The following LRBA variants were observed in gnomAD, a reference collection of about 807,000 sequenced individuals.
The protein encoded by LRBA is LPS responsive beige-like anchor protein.
In LRBA, 176 loss-of-function variants were observed where a neutral mutation model predicts 330.0. The ratio of observed to expected loss-of-function variants is 0.53; its 90% CI spans 0.47 to 0.60. The LOEUF (loss-of-function observed/expected upper bound fraction) is 0.60. Among genes scored for constraint, LRBA ranks in the 20% least tolerant of loss-of-function variants. The pLI is 0.00. For missense variants in LRBA, 3,259 were observed against 3,444.8 expected, an observed-to-expected ratio of 0.95 and a Z score of 1.35; for synonymous variants, 1,230 against 1,193.0, an observed-to-expected ratio of 1.03 and a Z score of -0.64.
chr4:150,794,483 G>C (rs1473682143), intron 34 of LRBA, among the ~76,000 whole-genome samples: 2 of 151,580 alleles, frequency 1.3e-5, no homozygotes, highest in African/African-American at 4.8e-5. Flanking sequence ...TTTTACTGAA[G>C]ATTCAGGAAA....
intron 42 of LRBA, among the ~76,000 whole-genome samples, chr4:150,472,055 AATT>A (rs1756197301): frequency 2.0e-5 from 3 of 152,110 alleles, no homozygotes; most frequent in South Asian, 2.1e-4. Context: ...AAAAAGAAGA[AATT>A]ATAGCAGCTG....
At chr4:150,581,258 C>T (rs370141346) in intron 40 of LRBA, 1 of 391,366 alleles carries the variant, frequency 2.6e-6, no homozygotes, top group Admixed American at 2.9e-5. Flanking sequence ...CTAGTTTTTG[C>T]CCTGCCCTGT....
At chr4:150,517,285 G>A (rs899489724) in intron 40 of LRBA, among the ~76,000 whole-genome samples, 1 of 152,134 alleles carries the variant, frequency 6.6e-6, no homozygotes, top group Non-Finnish European at 1.5e-5. Context: ...ACTTTAGGAG[G>A]CCAAGACAGG....
At chr4:150,438,274 G>T (rs1751384235) in intron 44 of LRBA, among the ~76,000 whole-genome samples, 1 of 152,066 alleles carries the variant, frequency 6.6e-6, no homozygotes, top group Non-Finnish European at 1.5e-5. Flanking sequence ...TTGAGTCCAG[G>T]AGTTCAAGAC....
chr4:150,664,388 A>C (rs1781388741), intron 37 of LRBA, among the ~76,000 whole-genome samples: 1 of 152,206 alleles, frequency 6.6e-6, no homozygotes, highest in Non-Finnish European at 1.5e-5. Context: ...TCGAAAACAG[A>C]CCAGGAAATG....
intron 34 of LRBA, among the ~76,000 whole-genome samples, chr4:150,788,239 ATTT>A (rs377479266): frequency 0.031 from 3,768 of 122,346 alleles, 51 homozygotes; most frequent in African/African-American, 0.063. Flanking sequence ...CACCCGGTTA[ATTT>A]TTTTTTTTTT....
chr4:150,808,386 G>C lies in LRBA; in HGVS notation c.5318C>G (p.Ser1773Cys), dbSNP rs745791860. The C allele has an allele frequency of 6.2e-7, 1 of 1,604,438 alleles. No homozygotes were observed. Among genetic ancestry groups the C allele is most frequent in the Non-Finnish European group, 8.5e-7 (1 of 1,171,922 alleles). Residue 1773 changes from serine to cysteine, a missense_variant, in exon 32 of 57, where the codon TCT becomes TGT. Coordinates refer to ENST00000651943, the MANE Select transcript of LRBA (RefSeq NM_001364905.1). ...TGGAACTGAGGGCAATTTTGCATTA[G>C]ATGATCTACTGCCTATAAAAGAAAA... is the stretch of plus-strand genomic sequence containing the variant. ...MGGESPGSRS[S>C]NAKLPSVPTV...
At chr4:150,278,661 T>C (rs944841066) in intron 55 of LRBA, among the ~76,000 whole-genome samples, 1 of 152,222 alleles carries the variant, frequency 6.6e-6, no homozygotes, top group African/African-American at 2.4e-5. Flanking sequence ...GGCTCAGAAT[T>C]TGCTCTTTGA....
At chr4:150,722,759 G>A (rs978253326) in intron 36 of LRBA, among the ~76,000 whole-genome samples, 1 of 151,800 alleles carries the variant, frequency 6.6e-6, no homozygotes, top group South Asian at 2.1e-4. Flanking sequence ...TCAGGTGAGC[G>A]ATCACAGTAC....
chr4:150,274,685 G>GA (rs1182054571), intron 56 of LRBA, among the ~76,000 whole-genome samples: 2 of 152,158 alleles, frequency 1.3e-5, no homozygotes, highest in Non-Finnish European at 2.9e-5. Context: ...AAATAAACTA[G>GA]AAAATCTAGA....
At chr4:150,695,396 C>T (rs1010114423) in intron 36 of LRBA, among the ~76,000 whole-genome samples, 3 of 152,166 alleles carry the variant, frequency 2.0e-5, no homozygotes, top group Non-Finnish European at 2.9e-5. Context: ...GATCACAACT[C>T]ACTGCAGCCT....
At chr4:150,320,925 CATT>C (rs1335196730) in intron 50 of LRBA, among the ~76,000 whole-genome samples, 17 of 151,878 alleles carry the variant, frequency 1.1e-4, no homozygotes, top group African/African-American at 3.9e-4. Flanking sequence ...TATAGAATAT[CATT>C]ATATTAAAAT....
intron 37 of LRBA, among the ~76,000 whole-genome samples, chr4:150,637,144 C>G (rs1182493606): frequency 6.6e-6 from 1 of 151,872 alleles, no homozygotes; most frequent in Non-Finnish European, 1.5e-5. Context: ...ATATGGATCT[C>G]TGACATTAGT....
At chr4:150,609,562 TGGTGCAAGA>T in intron 37 of LRBA, among the ~76,000 whole-genome samples, 1 of 152,220 alleles carries the variant, frequency 6.6e-6, no homozygotes, top group Non-Finnish European at 1.5e-5. Context: ...GAAGTTCACT[TGGTGCAAGA>T]TTTCTTATTA....
At chr4:150,408,453 C>A (rs993996604) in intron 47 of LRBA, among the ~76,000 whole-genome samples, 1 of 151,922 alleles carries the variant, frequency 6.6e-6, no homozygotes, top group African/African-American at 2.4e-5. Context: ...TGAATTCCAC[C>A]AAACATTTAA....
At chr4:150,661,401 C>T (rs565903396) in intron 37 of LRBA, among the ~76,000 whole-genome samples, 2 of 141,084 alleles carry the variant, frequency 1.4e-5, no homozygotes, top group East Asian at 4.6e-4. Context: ...AGCCAGGAGG[C>T]GGAGGTTGCT....
At chr4:150,303,923 C>G (rs1730018138) in intron 52 of LRBA, among the ~76,000 whole-genome samples, 1 of 152,180 alleles carries the variant, frequency 6.6e-6, no homozygotes. Context: ...GGTAGTAATT[C>G]ACACAAACTT....
intron 40 of LRBA, among the ~76,000 whole-genome samples, chr4:150,534,038 AC>A (rs1245154205): frequency 6.6e-6 from 1 of 152,164 alleles, no homozygotes; most frequent in African/African-American, 2.4e-5. Flanking sequence ...CAGGATGAAT[AC>A]CATATGTATT....
intron 38 of LRBA, among the ~76,000 whole-genome samples, chr4:150,593,842 G>A (rs758227286): frequency 3.9e-5 from 6 of 151,948 alleles, no homozygotes; most frequent in Non-Finnish European, 7.4e-5. Flanking sequence ...AAAAATGAGA[G>A]TCCCCAGTGG....
Sources: allele counts gnomAD v4.1 joint callset (sites outside exome capture counted in the v4.1 genomes callset), GRCh38; gene constraint gnomAD v4.1.1; transcripts MANE v1.5; gene names NCBI Gene and HGNC (gene_info 2026-07-23, HGNC 2026-07-21).